GLDC: variants seen among roughly 807,000 people sequenced by gnomAD.
The protein encoded by GLDC is glycine dehydrogenase (decarboxylating), mitochondrial.
In GLDC, 104 loss-of-function variants were observed where a neutral mutation model predicts 121.3. That is an observed-to-expected ratio of 0.86 (90% CI 0.73 to 1.01). GLDC has a LOEUF of 1.01. Ranked by LOEUF, GLDC falls within the 50% of genes least tolerant of loss-of-function variation. The pLI is 0.00. For missense variants in GLDC, 1,429 were observed against 1,306.6 expected, an observed-to-expected ratio of 1.09 and a Z score of -1.44; for synonymous variants, 546 against 480.6, an observed-to-expected ratio of 1.14 and a Z score of -1.78.
chr9:6,625,618 C>T (rs1819219001), intron 2 of GLDC, among the ~76,000 whole-genome samples: 1 of 152,164 alleles, frequency 6.6e-6, no homozygotes, highest in African/African-American at 2.4e-5. Context: ...ATTACAGTCC[C>T]TCACTAGGTA....
At chr9:6,624,059 T>A (rs988008467) in intron 2 of GLDC, among the ~76,000 whole-genome samples, 1 of 152,248 alleles carries the variant, frequency 6.6e-6, no homozygotes, top group Admixed American at 6.5e-5. Context: ...TAAAGCTGGA[T>A]AGTATGATTC....
chr9:6,639,260 T>C (rs1420536619), intron 2 of GLDC: 3 of 904,170 alleles, frequency 3.3e-6, no homozygotes, highest in Non-Finnish European at 5.5e-6. Context: ...AAAAAGAAGA[T>C]CCGCACATCA....
intron 12 of GLDC, 81 bp downstream of exon 12, chr9:6,589,114 G>T: frequency 1.1e-6 from 1 of 889,074 alleles, no homozygotes; most frequent in Non-Finnish European, 1.9e-6. Flanking sequence ...CACAGCAGGC[G>T]AAATCAGCAG....
intron 3 of GLDC, among the ~76,000 whole-genome samples, chr9:6,619,332 T>C (rs1172435957): frequency 2.0e-5 from 3 of 151,976 alleles, no homozygotes; most frequent in Non-Finnish European, 4.4e-5. Context: ...ATAAAGCTGA[T>C]ATTATGATCT....
chr9:6,598,217 A>G (rs1337355075), intron 8 of GLDC, among the ~76,000 whole-genome samples: 1 of 152,060 alleles, frequency 6.6e-6, no homozygotes, highest in Non-Finnish European at 1.5e-5. Flanking sequence ...TTTTATATAG[A>G]CAGGAGTCTC....
At chr9:6,584,745 T>G (rs1487973644) in intron 15 of GLDC, among the ~76,000 whole-genome samples, 1 of 152,202 alleles carries the variant, frequency 6.6e-6, no homozygotes, top group Non-Finnish European at 1.5e-5. Flanking sequence ...CTAAACATTG[T>G]GCAAAGCCCC....
chr9:6,615,581 TAAAAAAAA>T (rs35065126), intron 3 of GLDC, among the ~76,000 whole-genome samples: 1 of 143,170 alleles, frequency 7.0e-6, no homozygotes, highest in Admixed American at 7.0e-5. Flanking sequence ...GACCTTGTCT[TAAAAAAAA>T]AAAAAAAGAC....
intron 16 of GLDC, among the ~76,000 whole-genome samples, chr9:6,561,004 C>A (rs567639689): frequency 7.2e-5 from 11 of 152,294 alleles, no homozygotes; most frequent in African/African-American, 2.6e-4. Flanking sequence ...ACGCAGGAGG[C>A]CTGCAGATGC....
At chr9:6,609,965 T>C (rs1438144020) in intron 4 of GLDC, among the ~76,000 whole-genome samples, 1 of 152,134 alleles carries the variant, frequency 6.6e-6, no homozygotes, top group Non-Finnish European at 1.5e-5. Context: ...CCCTCCCGTC[T>C]GATCTTCCCC....
At chr9:6,551,030 T>A in intron 20 of GLDC, 116 bp from the exon 21 acceptor site, 1 of 770,486 alleles carries the variant, frequency 1.3e-6, no homozygotes, top group Non-Finnish European at 2.4e-6. Flanking sequence ...CAGCCCACCA[T>A]GACTCTGGAG....
At chr9:6,608,495 A>C (rs1195893734) in intron 4 of GLDC, among the ~76,000 whole-genome samples, 1 of 145,818 alleles carries the variant, frequency 6.9e-6, no homozygotes, top group Admixed American at 6.9e-5. Context: ...AATCCCAGCA[A>C]TTTGGGAGGC....
intron 2 of GLDC, among the ~76,000 whole-genome samples, chr9:6,633,906 T>C (rs1339288423): frequency 1.5e-5 from 2 of 133,204 alleles, no homozygotes; most frequent in Non-Finnish European, 3.1e-5. Context: ...CTCAGCTCAC[T>C]GCAAGCTGTG....
At chr9:6,551,346 C>T (rs1358856100) in intron 20 of GLDC, among the ~76,000 whole-genome samples, 8 of 152,100 alleles carry the variant, frequency 5.3e-5, no homozygotes, top group Non-Finnish European at 1.0e-4. Flanking sequence ...GGTTTATTTT[C>T]CCATTGTCCC....
At position 6,572,824 on chromosome 9, in the gene GLDC, T is replaced by C. The variant is rs544601334; in HGVS notation, c.1851-7395A>G. The stretch of plus-strand genomic sequence containing the variant: ...TAAATTATTTTTCTGCTGAAGTTAA[T>C]GCAAGCCATTTTCTGTTGTTTGCAA... On this transcript the variant is annotated intron_variant, in intron 15 of 24. Transcript: ENST00000321612. 2.0e-5 allele frequency among the ~76,000 whole-genome samples: 3 copies of C among 152,372 alleles called. No individual in the cohort carries two copies. The East Asian group carries it at 5.8e-4, about 29-fold the overall frequency.
chr9:6,542,464 T>A (rs1817287522), intron 21 of GLDC: 1 of 151,986 alleles, frequency 6.6e-6, no homozygotes, highest in South Asian at 2.1e-4. Flanking sequence ...CTCAAACTCC[T>A]GGGCTCAAGT....
At chr9:6,547,895 C>G (rs967285246) in intron 21 of GLDC, among the ~76,000 whole-genome samples, 1 of 152,014 alleles carries the variant, frequency 6.6e-6, no homozygotes, top group Non-Finnish European at 1.5e-5. Context: ...TTTGGGAGGC[C>G]GAGGTGGGAG....
rs563039693 is a variant in GLDC, at chr9:6,604,626, C to G, written c.1020G>C (p.Leu340Phe). The change falls in exon 7 of 25, where the codon TTG (leucine) becomes TTC (phenylalanine). Residue 340 changes from leucine (L) to phenylalanine (F), a missense_variant. Transcript: ENST00000321612. ...CCATTCTTCCAGGCATCATTCTCAC[C>G]AAGCTTTCTCGGACAGCAAAAAATG... Reference protein sequence around the residue: ...HAAFFAVRESLVRMMPGRMVG... With the variant: ...HAAFFAVRESFVRMMPGRMVG... 2.1e-5 allele frequency: 34 copies of G among 1,613,276 alleles called. No individual in the cohort carries two copies. In the South Asian group the frequency reaches 3.6e-4, roughly 17 times the overall value.
intron 16 of GLDC, among the ~76,000 whole-genome samples, chr9:6,561,424 G>A (rs1042308913): frequency 2.6e-5 from 4 of 152,152 alleles, no homozygotes; most frequent in African/African-American, 4.8e-5. Context: ...TGAGGCAGGC[G>A]GTTCACTTGA....
chr9:6,535,365 C>T (rs543913317), intron 23 of GLDC, among the ~76,000 whole-genome samples: 2 of 150,820 alleles, frequency 1.3e-5, no homozygotes, highest in South Asian at 4.2e-4. Context: ...TTGTATGCCT[C>T]CATGACTCTG....
Sources: gnomAD v4.1 joint callset for allele counts (sites outside exome capture counted in the v4.1 genomes callset) on GRCh38, gnomAD v4.1.1 for gene constraint, MANE v1.5 for transcripts, NCBI Gene and HGNC (gene_info 2026-07-23, HGNC 2026-07-21) for gene names.